GRIK2: variants seen among roughly 807,000 people sequenced by gnomAD.
The protein encoded by GRIK2 is glutamate ionotropic receptor kainate type subunit 2, also known as glutamate receptor ionotropic, kainate 2.
GRIK2 carries 32 observed loss-of-function variants against 100.3 expected under a neutral mutation model. The observed-to-expected ratio is 0.32, with a 90% confidence interval of 0.24 to 0.43. The LOEUF (loss-of-function observed/expected upper bound fraction) is 0.43, where lower values mean the gene tolerates loss of function less well. Among genes scored for constraint, GRIK2 ranks in the 20% least tolerant of loss-of-function variants. The pLI is 1.00. For missense variants in GRIK2, 843 were observed against 1,114.9 expected (o/e 0.76, Z 3.47); for synonymous variants, 417 against 389.4 (o/e 1.07, Z -0.83).
chr6:101,861,579 T>C (rs912156585), intron 11 of GRIK2, among the ~76,000 whole-genome samples: 2 of 152,016 alleles, frequency 1.3e-5, no homozygotes, highest in South Asian at 2.1e-4. Context: ...CGATCAACAA[T>C]AGGCAAGATA....
intron 2 of GRIK2, among the ~76,000 whole-genome samples, chr6:101,493,355 G>A (rs562407446): frequency 6.6e-6 from 1 of 152,064 alleles, no homozygotes; most frequent in East Asian, 1.9e-4. Context: ...AATTTTAGGA[G>A]CAACCAGATA....
At chr6:101,505,776 G>GA (rs35632931) in intron 2 of GRIK2, among the ~76,000 whole-genome samples, 12,138 of 113,160 alleles carry the variant, frequency 0.11, 599 homozygotes, top group South Asian at 0.14. Context: ...GAAGAAATTA[G>GA]AAAAAAAAAA....
intron 2 of GRIK2, among the ~76,000 whole-genome samples, chr6:101,401,932 G>A (rs1334973878): frequency 6.6e-6 from 1 of 152,120 alleles, no homozygotes; most frequent in Non-Finnish European, 1.5e-5. Context: ...CACCCTTGGC[G>A]TGGCTAGGCG....
At chr6:101,605,554 A>G (rs939472883) in intron 2 of GRIK2, among the ~76,000 whole-genome samples, 11 of 152,030 alleles carry the variant, frequency 7.2e-5, no homozygotes, top group African/African-American at 2.4e-4. Context: ...TATATTTTAA[A>G]TTGCTACATG....
intron 14 of GRIK2, among the ~76,000 whole-genome samples, chr6:101,989,780 A>C (rs1434254056): frequency 6.6e-6 from 1 of 151,596 alleles, no homozygotes; most frequent in East Asian, 1.9e-4. Context: ...AGCACACTTA[A>C]AGAAGGCTAA....
chr6:101,556,321 ATTTTTTTTT>A (rs10528480), intron 2 of GRIK2, among the ~76,000 whole-genome samples: 36 of 59,404 alleles, frequency 6.1e-4, no homozygotes, highest in African/African-American at 8.9e-4. Context: ...TATATTGGTA[ATTTTTTTTT>A]TTTTTTTTTT....
At chr6:101,991,332 G>A (rs945600464) in intron 14 of GRIK2, among the ~76,000 whole-genome samples, 2 of 150,820 alleles carry the variant, frequency 1.3e-5, no homozygotes, top group Non-Finnish European at 3.0e-5. Context: ...TCAGTGACAG[G>A]CAAGTAATAG....
chr6:101,421,135 G>C (rs984830782), intron 2 of GRIK2, among the ~76,000 whole-genome samples: 1 of 152,112 alleles, frequency 6.6e-6, no homozygotes, highest in Non-Finnish European at 1.5e-5. Context: ...TCTCAGCATG[G>C]GACAACTCGG....
chr6:101,723,406 AAAAG>A (rs924267636), intron 7 of GRIK2, among the ~76,000 whole-genome samples: 3 of 152,084 alleles, frequency 2.0e-5, no homozygotes, highest in African/African-American at 7.2e-5. Context: ...ATTTAAAAAT[AAAAG>A]AAAATTAGAA....
rs556517363 is a variant in GRIK2 at position 101,810,734 on chromosome 6, A to G, written c.1204-7636A>G. Among the ~76,000 whole-genome samples, 180 of 147,754 alleles carry G rather than the reference A, an allele frequency of 1.2e-3. 1 individual carries two copies. Among genetic ancestry groups the G allele is most frequent in the African/African-American group, 4.1e-3 (168 of 40,980 alleles). On this transcript the variant is annotated intron_variant, in intron 9 of 16. Transcript: ENST00000369134. ...TCGGTGTCAAGGGTTATTAGACGGT[A>G]ATGCAACTAACTATCTCTACTTTTC...
chr6:101,867,865 CA>C (rs1785154217), intron 11 of GRIK2, among the ~76,000 whole-genome samples: 1 of 150,988 alleles, frequency 6.6e-6, no homozygotes, highest in South Asian at 2.1e-4. Context: ...CTATTAATTG[CA>C]AAATTATAGC....
intron 6 of GRIK2, among the ~76,000 whole-genome samples, chr6:101,683,064 A>G (rs939453887): frequency 6.6e-6 from 1 of 151,968 alleles, no homozygotes; most frequent in Non-Finnish European, 1.5e-5. Flanking sequence ...TTAGCCGGGC[A>G]TGGTGGTGGG....
chr6:102,044,403 T>C (rs1325360973), intron 15 of GRIK2, among the ~76,000 whole-genome samples: 1 of 152,016 alleles, frequency 6.6e-6, no homozygotes, highest in Non-Finnish European at 1.5e-5. Flanking sequence ...GATAAAGACA[T>C]ACCCAAGACG....
At chr6:101,879,316 G>GA (rs1050563100) in intron 11 of GRIK2, among the ~76,000 whole-genome samples, 2 of 151,872 alleles carry the variant, frequency 1.3e-5, no homozygotes, top group Non-Finnish European at 2.9e-5. Flanking sequence ...CTAGAACCCA[G>GA]AAAAAAATAC....
intron 2 of GRIK2, among the ~76,000 whole-genome samples, chr6:101,512,318 T>C (rs1477037574): frequency 6.6e-6 from 1 of 152,014 alleles, no homozygotes; most frequent in Non-Finnish European, 1.5e-5. Context: ...TGCAATTGAG[T>C]ATGAACCATT....
At chr6:101,718,973 T>C (rs1774258955) in intron 7 of GRIK2, among the ~76,000 whole-genome samples, 1 of 151,906 alleles carries the variant, frequency 6.6e-6, no homozygotes, top group Non-Finnish European at 1.5e-5. Context: ...AATATAAACC[T>C]AAGGATATAT....
At chr6:101,591,390 ACTC>A (rs939273851) in intron 2 of GRIK2, among the ~76,000 whole-genome samples, 1 of 150,826 alleles carries the variant, frequency 6.6e-6, no homozygotes, top group African/African-American at 2.4e-5. Flanking sequence ...ATTATCTACT[ACTC>A]TTTATCTGCC....
intron 4 of GRIK2, among the ~76,000 whole-genome samples, chr6:101,665,494 A>G (rs1021881569): frequency 6.6e-6 from 1 of 152,214 alleles, no homozygotes; most frequent in Non-Finnish European, 1.5e-5. Context: ...GACACTGAAT[A>G]TGGTTTCACC....
At chr6:101,692,398 T>C (rs1772174551) in intron 7 of GRIK2, among the ~76,000 whole-genome samples, 1 of 152,132 alleles carries the variant, frequency 6.6e-6, no homozygotes, top group African/African-American at 2.4e-5. Context: ...TTTAATACTG[T>C]GTATTGTATG....
Sources: gnomAD v4.1 joint callset for allele counts (sites outside exome capture counted in the v4.1 genomes callset) on GRCh38, gnomAD v4.1.1 for gene constraint, MANE v1.5 for transcripts, NCBI Gene and HGNC (gene_info 2026-07-23, HGNC 2026-07-21) for gene names.